Variants in PPP1R12B observed in about 807,000 individuals in gnomAD.
The protein encoded by PPP1R12B is myosin phosphatase target subunit 2.
PPP1R12B carries 76 observed loss-of-function variants against 126.1 expected under a neutral mutation model. The observed-to-expected ratio is 0.60, with a 90% confidence interval of 0.50 to 0.73. The LOEUF (loss-of-function observed/expected upper bound fraction) is 0.73. Among genes scored for constraint, PPP1R12B ranks in the 30% least tolerant of loss-of-function variants. The probability of loss-of-function intolerance (pLI) is 0.00; values close to 1 mark genes in which losing one functional copy is unlikely to be tolerated. For synonymous variants in PPP1R12B, 356 were observed against 434.7 expected, an observed-to-expected ratio of 0.82 and a Z score of 2.25; for missense variants, 1,052 against 1,205.1, an observed-to-expected ratio of 0.87 and a Z score of 1.88.
At chr1:202,484,676 GTGA>G (rs1331292749) in intron 13 of PPP1R12B, among the ~76,000 whole-genome samples, 3 of 152,144 alleles carry the variant, frequency 2.0e-5, no homozygotes, top group African/African-American at 7.2e-5. Context: ...TAGTCTAGTG[GTGA>G]TGGGTTTTTC....
rs1685048925 is a variant in PPP1R12B at position 202,540,829 on chromosome 1, T to G, written c.2491-18048T>G. Among the ~76,000 whole-genome samples the G allele has an allele frequency of 3.9e-5, 6 of 152,344 alleles. No individual in the cohort carries two copies. In the South Asian group the frequency reaches 1.2e-3, roughly 32 times the overall value. ...GGAACCTTACTCCTTAATCACCAAG[T>G]ACCTTCAGGAAATGTCTTGCTTAAA... On this transcript the variant is annotated intron_variant, in intron 18 of 23. Transcript: ENST00000608999.
chr1:202,567,511 G>A (rs1408875248), intron 21 of PPP1R12B: 1 of 441,968 alleles, frequency 2.3e-6, no homozygotes, highest in African/African-American at 2.0e-5. Flanking sequence ...GAGAGAGATT[G>A]TGTGTTGTAA....
intron 14 of PPP1R12B, among the ~76,000 whole-genome samples, chr1:202,489,459 C>T (rs1678581624): frequency 6.6e-6 from 1 of 152,044 alleles, no homozygotes; most frequent in Non-Finnish European, 1.5e-5. Context: ...TAAAAATAAG[C>T]CAAATGTCTA....
chr1:202,356,454 C>T (rs1657117454), intron 1 of PPP1R12B, among the ~76,000 whole-genome samples: 1 of 151,996 alleles, frequency 6.6e-6, no homozygotes, highest in African/African-American at 2.4e-5. Context: ...TAATGGTGCC[C>T]CAAAAATGTC....
rs566891484 is a variant in PPP1R12B, at chr1:202,371,029, A to G, written c.291+21887A>G. On this transcript the variant is annotated intron_variant, in intron 1 of 23. Transcript: ENST00000608999. ...TTTTTTTTTTTTTTTTTTTTGAGATAGAGTCTCTCTCTGTCTCACTCTGCC... is the reference window on the plus strand; with the variant it reads ...TTTTTTTTTTTTTTTTTTTTGAGATGGAGTCTCTCTCTGTCTCACTCTGCC... Among the ~76,000 whole-genome samples, 13 of 112,694 alleles carry G rather than the reference A, an allele frequency of 1.2e-4. No homozygotes were observed. The East Asian group carries it at 3.2e-3, about 28-fold the overall frequency. 73.9% of individuals were successfully genotyped at this position (112,694 alleles called of 152,430 possible). A position where few individuals can be genotyped will look rare whatever the true frequency, so the allele number is the denominator to read the frequency against.
At chr1:202,578,824 G>A (rs989497374) in intron 23 of PPP1R12B, among the ~76,000 whole-genome samples, 4 of 152,192 alleles carry the variant, frequency 2.6e-5, no homozygotes, top group African/African-American at 4.8e-5. Context: ...CAGAGAAGGC[G>A]AGTGATCTGC....
At chr1:202,386,135 G>A (rs1233994653) in intron 1 of PPP1R12B, among the ~76,000 whole-genome samples, 2 of 151,562 alleles carry the variant, frequency 1.3e-5, no homozygotes, top group Non-Finnish European at 2.9e-5. Context: ...GGGTTTCACC[G>A]TGTTAGCCAG....
At chr1:202,560,310 A>G (rs1461294834) in intron 19 of PPP1R12B, among the ~76,000 whole-genome samples, 1 of 152,196 alleles carries the variant, frequency 6.6e-6, no homozygotes, top group African/African-American at 2.4e-5. Flanking sequence ...CACGCAAGAA[A>G]GAATTCAGGG....
intron 1 of PPP1R12B, among the ~76,000 whole-genome samples, chr1:202,378,317 A>G (rs1458001569): frequency 8.1e-6 from 1 of 123,774 alleles, no homozygotes; most frequent in African/African-American, 3.2e-5. Flanking sequence ...TTTCAGTCTT[A>G]CCTGTCTTGC....
intron 4 of PPP1R12B, among the ~76,000 whole-genome samples, chr1:202,426,360 T>C (rs61821723): frequency 0.021 from 3,135 of 152,284 alleles, 48 homozygotes; most frequent in Non-Finnish European, 0.028. Flanking sequence ...ATAGCAGTGT[T>C]TTGGTGCTCC....
intron 1 of PPP1R12B, among the ~76,000 whole-genome samples, chr1:202,406,185 C>T (rs547403643): frequency 2.1e-4 from 32 of 152,344 alleles, no homozygotes; most frequent in African/African-American, 7.5e-4. Flanking sequence ...AAAAATCCCT[C>T]TCCATGGGAC....
chr1:202,444,618 G>C (rs1392063171), intron 12 of PPP1R12B, among the ~76,000 whole-genome samples: 1 of 152,120 alleles, frequency 6.6e-6, no homozygotes, highest in Non-Finnish European at 1.5e-5. Flanking sequence ...TGCTAATTCT[G>C]TATCAGGTAG....
At chr1:202,568,424 T>C (rs180683376) in intron 22 of PPP1R12B, among the ~76,000 whole-genome samples, 285 of 152,358 alleles carry the variant, frequency 1.9e-3, no homozygotes, top group South Asian at 5.4e-3. Context: ...ATTAGATTTA[T>C]TGATGGACCC....
In PPP1R12B at chr1:202,452,932, G is replaced by A. The variant is rs1422849999; in HGVS notation, c.1850+3761G>A. 2.0e-5 allele frequency among the ~76,000 whole-genome samples: 3 copies of A among 151,564 alleles called. No homozygotes were observed. The South Asian group carries it at 6.2e-4, about 32-fold the overall frequency. On this transcript the variant is annotated intron_variant, in intron 13 of 23. Transcript: ENST00000608999. ...TTTTCCCACCTCTGCCTTCCGAAAT[G>A]CTAAGATTACAGGCGTGAGCCACTG...
chr1:202,529,577 C>T (rs1206358988), intron 18 of PPP1R12B, among the ~76,000 whole-genome samples: 3 of 152,072 alleles, frequency 2.0e-5, no homozygotes, highest in Non-Finnish European at 4.4e-5. Flanking sequence ...AGAAAACTAA[C>T]AAAATATTTT....
chr1:202,490,691 T>C lies in PPP1R12B; in HGVS notation c.1941+2068T>C, dbSNP rs113078493. ...CACTTTCTGTCTATGAACTTGACTA[T>C]GCTAGGAACCTCAAATAAGTAGAAT... On this transcript the variant is annotated intron_variant, in intron 14 of 23. Coordinates refer to ENST00000608999, the MANE Select transcript of PPP1R12B (RefSeq NM_002481.4). Among the ~76,000 whole-genome samples, 1,223 of 152,334 alleles carry C rather than the reference T, an allele frequency of 8.0e-3. 19 individuals carry two copies. The highest frequency in any genetic ancestry group is 0.028 in the African/African-American group (1,145 of 41,584).
chr1:202,548,641 A>G (rs1203715040), intron 18 of PPP1R12B, among the ~76,000 whole-genome samples: 1 of 151,836 alleles, frequency 6.6e-6, no homozygotes, highest in Non-Finnish European at 1.5e-5. Flanking sequence ...AGAATTTTAC[A>G]TAATTTTAAA....
chr1:202,382,117 T>C (rs908392454), intron 1 of PPP1R12B, among the ~76,000 whole-genome samples: 1 of 152,130 alleles, frequency 6.6e-6, no homozygotes, highest in Non-Finnish European at 1.5e-5. Context: ...GTTCATGTCC[T>C]TTGTAGGGAC....
In PPP1R12B at chr1:202,422,714, C is replaced by A. The variant is rs748596742; in HGVS notation, c.517C>A (p.Leu173Ile). The part of the protein sequence containing the change: ...LAEEPAMKDL[L>I]LEQVKKQGVD... ...AGAAGAGCCAGCCATGAAGGATCTT[C>A]TTCTGGAGCAAGTAAAGAAGCAAGG... is the stretch of plus-strand genomic sequence containing the variant. Residue 173 changes from leucine to isoleucine, a missense_variant, in exon 3 of 24, where the codon CTT becomes ATT. By Grantham distance (5) the Leu-to-Ile change is conservative. Coordinates refer to ENST00000608999, the MANE Select transcript of PPP1R12B (RefSeq NM_002481.4). The A allele has an allele frequency of 1.2e-6, 2 of 1,613,648 alleles. No homozygotes were observed. The highest frequency in any genetic ancestry group is 2.2e-5 in the South Asian group (2 of 91,070).
Sources: gnomAD v4.1 joint callset for allele counts (sites outside exome capture counted in the v4.1 genomes callset) on GRCh38, gnomAD v4.1.1 for gene constraint, MANE v1.5 for transcripts, NCBI Gene and HGNC (gene_info 2026-07-23, HGNC 2026-07-21) for gene names.